The following RNF43 variants were observed in gnomAD, a reference collection of about 807,000 sequenced individuals.
The protein encoded by RNF43 is ring finger protein 43, also known as E3 ubiquitin-protein ligase RNF43.
In RNF43, 37 loss-of-function variants were observed where a neutral mutation model predicts 78.4. That is an observed-to-expected ratio of 0.47 (90% confidence interval 0.36 to 0.62). The LOEUF (loss-of-function observed/expected upper bound fraction) is 0.62, where lower values mean the gene tolerates loss of function less well. Among genes scored for constraint, RNF43 ranks in the 20% least tolerant of loss-of-function variants. The pLI is 0.00. For missense variants in RNF43, 774 were observed against 1,007.9 expected (o/e 0.77, Z 3.14); for synonymous variants, 347 against 395.0 (o/e 0.88, Z 1.44).
chr17:58,403,902 G>A (rs1382272451), intron 2 of RNF43, among the ~76,000 whole-genome samples: 1 of 152,216 alleles, frequency 6.6e-6, no homozygotes, highest in Non-Finnish European at 1.5e-5. Flanking sequence ...GTTCTAGGTT[G>A]TCTCTGGCTC....
Position 58,360,970 on chromosome 17 carries a change from T to G in RNF43, c.688-26A>C, listed in dbSNP as rs1296148502. 6.6e-7 allele frequency: 1 copy of G among 1,523,780 alleles called. No homozygotes were observed. Among genetic ancestry groups the G allele is most frequent in the Non-Finnish European group, 8.8e-7 (1 of 1,131,556 alleles). The allele number at this position is 1,523,780 out of a possible 1,614,324, so 94.4% of individuals were successfully genotyped here. ...CTGGGAAGAGGAATGGGGCTCAGAT[T>G]GGGGCATGGGCTCCCCTTCCCTCCC... is the stretch of plus-strand genomic sequence containing the variant. On this transcript the variant is annotated intron_variant, in intron 6 of 9. Coordinates refer to ENST00000407977, the MANE Select transcript of RNF43 (RefSeq NM_017763.6). The surrounding 1 kb of genome is among the most constrained non-coding windows in gnomAD (Gnocchi z 4.3).
At position 58,415,312 on chromosome 17, in the gene RNF43, A is replaced by G. The variant is rs771544629; in HGVS notation, c.252+14T>C. 5 of 1,613,776 alleles carry G rather than the reference A, an allele frequency of 3.1e-6. No homozygotes were observed. The highest frequency in any genetic ancestry group is 2.2e-5 in the East Asian group (1 of 44,890). ...AAACAGATGGAAAGTGAAATATAAT[A>G]AAGTTATACTTGCCTGCATTAATTT... is the stretch of plus-strand genomic sequence containing the variant. On this transcript the variant is annotated intron_variant, in intron 2 of 9. Coordinates refer to ENST00000407977, the MANE Select transcript of RNF43 (RefSeq NM_017763.6).
At chr17:58,388,232 C>T (rs1973477254) in intron 2 of RNF43, among the ~76,000 whole-genome samples, 1 of 152,222 alleles carries the variant, frequency 6.6e-6, no homozygotes, top group Admixed American at 6.5e-5. Context: ...TGAAATACTT[C>T]AGAGGCTAAG....
At chr17:58,386,550 C>T (rs1406200915) in intron 2 of RNF43, among the ~76,000 whole-genome samples, 2 of 152,208 alleles carry the variant, frequency 1.3e-5, no homozygotes, top group African/African-American at 4.8e-5. Flanking sequence ...TGTGTTTCTT[C>T]CCTTCTCCTC....
Position 58,358,688 on chromosome 17 carries a change from C to A in RNF43, c.1088G>T (p.Arg363Leu), listed in dbSNP as rs376002987. 1.3e-6 allele frequency: 2 copies of A among 1,533,472 alleles called. No homozygotes were observed. Among genetic ancestry groups the A allele is most frequent in the Non-Finnish European group, 1.8e-6 (2 of 1,138,826 alleles). 95.0% of individuals were successfully genotyped at this position (1,533,472 alleles called of 1,614,324 possible). The change falls in exon 9 of 10, where the codon CGG (arginine) becomes CTG (leucine). Residue 363 changes from arginine (R) to leucine (L), a missense_variant. Arg to Leu is a moderately radical substitution (Grantham distance 102). Transcript: ENST00000407977. This position sits in a 1 kb window ranked among gnomAD's most constrained non-coding sequence, Gnocchi z 6.2. The stretch of plus-strand genomic sequence containing the variant: ...TCGTGGGGGCCGAGCCACTGCACTC[C>A]GGGAAGGGCCCAACAGGTAGGCAGC... The part of the protein sequence containing the change: ...LPAAYLLGPS[R>L]SAVARPPRPG...
At chr17:58,400,875 C>A (rs1028574607) in intron 2 of RNF43, among the ~76,000 whole-genome samples, 2 of 151,824 alleles carry the variant, frequency 1.3e-5, no homozygotes, top group Non-Finnish European at 1.5e-5. Flanking sequence ...AGTAACTCTG[C>A]CCTGAGGGAA....
chr17:58,369,077 A>ACACACACACACACACG (rs1451611679), intron 3 of RNF43, among the ~76,000 whole-genome samples: 2 of 152,132 alleles, frequency 1.3e-5, no homozygotes, highest in East Asian at 3.9e-4. Flanking sequence ...ATACACACAC[A>ACACACACACACACACG]CACACACACA....
downstream of RNF43, chr17:58,353,188 GCTTT>G: frequency 4.7e-6 from 1 of 213,050 alleles, no homozygotes; most frequent in East Asian, 7.0e-5. Context: ...TTCCGGGCGG[GCTTT>G]CTTCTTGTTG....
intron 2 of RNF43, among the ~76,000 whole-genome samples, chr17:58,400,980 T>A (rs1973784391): frequency 6.6e-6 from 1 of 152,100 alleles, no homozygotes; most frequent in African/African-American, 2.4e-5. Flanking sequence ...AGCATTCAAC[T>A]GGTGACCATA....
Position 58,383,508 on chromosome 17 carries a change from G to A in RNF43, c.253-12475C>T, listed in dbSNP as rs535847071. The stretch of plus-strand genomic sequence containing the variant: ...GGTAAAGACAGGGTCTCCCTGTGTT[G>A]CCCAGGCTGGTTTCTAAATCCTGGC... On this transcript the variant is annotated intron_variant, in intron 2 of 9. Transcript: ENST00000407977. 2.6e-5 allele frequency among the ~76,000 whole-genome samples: 4 copies of A among 152,188 alleles called. No individual in the cohort carries two copies. In the East Asian group the frequency reaches 7.7e-4, roughly 29 times the overall value.
chr17:58,356,865 CG>C, intron 9 of RNF43: 1 of 306,158 alleles, frequency 3.3e-6, no homozygotes, highest in Non-Finnish European at 6.1e-6. Flanking sequence ...GCTACTACCC[CG>C]GGGACCATTC....
intron 2 of RNF43, among the ~76,000 whole-genome samples, chr17:58,375,372 G>A (rs1032797030): frequency 1.3e-5 from 2 of 152,078 alleles, no homozygotes; most frequent in Admixed American, 6.6e-5. Context: ...CCCACCTTGC[G>A]ACCTATGTTC....
At chr17:58,416,463 C>T (rs1284838221) in intron 1 of RNF43, 1 of 152,122 alleles carries the variant, frequency 6.6e-6, no homozygotes, top group Non-Finnish European at 1.5e-5. Flanking sequence ...TTCATATTTC[C>T]ATCTCCATTT....
Position 58,379,832 on chromosome 17 carries a change from C to T in RNF43, c.253-8799G>A, listed in dbSNP as rs577183971. Among the ~76,000 whole-genome samples, 8 of 152,336 alleles carry T rather than the reference C, an allele frequency of 5.3e-5. No individual in the cohort carries two copies. In the South Asian group the frequency reaches 1.4e-3, roughly 28 times the overall value. On this transcript the variant is annotated intron_variant, in intron 2 of 9. Coordinates refer to ENST00000407977, the MANE Select transcript of RNF43 (RefSeq NM_017763.6). ...ATAGACAGGAGAAAAATCCCAGCCACCCAAGAAGTAGAACTTTTATATCAT... is the reference window on the plus strand; with the variant it reads ...ATAGACAGGAGAAAAATCCCAGCCATCCAAGAAGTAGAACTTTTATATCAT...
chr17:58,381,565 C>A lies in RNF43; in HGVS notation c.253-10532G>T, dbSNP rs538233202. On this transcript the variant is annotated intron_variant, in intron 2 of 9. Transcript: ENST00000407977. ...AAAAAGTGAGATGGCTCTGGGAGAG[C>A]CTGGGAGGGATTGCCATTTGGGGCT... 3.3e-5 allele frequency among the ~76,000 whole-genome samples: 5 copies of A among 152,268 alleles called. No homozygotes were observed. The East Asian group carries it at 9.6e-4, about 29-fold the overall frequency.
intron 8 of RNF43, among the ~76,000 whole-genome samples, chr17:58,359,321 G>A (rs1972776967): frequency 6.6e-6 from 1 of 152,112 alleles, no homozygotes; most frequent in Non-Finnish European, 1.5e-5. Context: ...TCTACGGCCG[G>A]GCGCGGTGGC....
chr17:58,411,419 A>G (rs140516499), intron 2 of RNF43, among the ~76,000 whole-genome samples: 1 of 152,166 alleles, frequency 6.6e-6, no homozygotes, highest in African/African-American at 2.4e-5. Context: ...CTGCCTACAA[A>G]TAATGTAAAA....
At chr17:58,396,763 A>T (rs1323292494) in intron 2 of RNF43, among the ~76,000 whole-genome samples, 2 of 152,246 alleles carry the variant, frequency 1.3e-5, no homozygotes, top group East Asian at 3.8e-4. Flanking sequence ...ATATGTATAT[A>T]TGTATGGAAT....
At position 58,362,660 on chromosome 17, in the gene RNF43, G is replaced by A. The variant is rs186953255; in HGVS notation, c.583-12C>T. The A allele has an allele frequency of 6.0e-5, 96 of 1,597,342 alleles. No individual in the cohort carries two copies. The East Asian group carries it at 1.9e-3, about 32-fold the overall frequency. ...ACATCATAATCTGGCTGGGGAGTGA[G>A]CAGAGAGGGAAAGGGTCATACTTCC... On this transcript the variant is annotated splice_polypyrimidine_tract_variant and intron_variant, in intron 5 of 9. Coordinates refer to ENST00000407977, the MANE Select transcript of RNF43 (RefSeq NM_017763.6).
Sources: allele counts gnomAD v4.1 joint callset (sites outside exome capture counted in the v4.1 genomes callset), GRCh38; gene constraint gnomAD v4.1.1; non-coding constraint Gnocchi (gnomAD v3.1); transcripts MANE v1.5; gene names NCBI Gene and HGNC (gene_info 2026-07-23, HGNC 2026-07-21).